SYT1: variants seen among roughly 807,000 people sequenced by gnomAD.
The protein encoded by SYT1 is synaptotagmin-1.
Under a neutral mutation model 44.8 loss-of-function variants are expected in SYT1, and 8 were observed. The observed-to-expected ratio is 0.18, with a 90% CI of 0.10 to 0.32. The LOEUF (loss-of-function observed/expected upper bound fraction) is 0.32, where lower values mean the gene tolerates loss of function less well. Among genes scored for constraint, SYT1 ranks in the 10% least tolerant of loss-of-function variants. The pLI, the probability that SYT1 is intolerant of heterozygous loss-of-function variation, is 1.00. For synonymous variants in SYT1, 154 were observed against 188.8 expected (o/e 0.82, Z 1.51); for missense variants, 286 against 509.3 (o/e 0.56, Z 4.22).
intron 3 of SYT1, among the ~76,000 whole-genome samples, chr12:79,077,867 T>A (rs1323543633): frequency 6.6e-6 from 1 of 152,120 alleles, no homozygotes; most frequent in Non-Finnish European, 1.5e-5. Context: ...TTTTAAAAAA[T>A]TGTATGCTTT....
intron 3 of SYT1, among the ~76,000 whole-genome samples, chr12:79,060,360 T>C (rs1875289197): frequency 6.6e-6 from 1 of 152,064 alleles, no homozygotes; most frequent in Non-Finnish European, 1.5e-5. Context: ...TTTGAAAGTA[T>C]ACAGCTCAGT....
intron 9 of SYT1, among the ~76,000 whole-genome samples, chr12:79,371,013 C>T (rs760478303): frequency 4.6e-5 from 7 of 152,024 alleles, no homozygotes; most frequent in Admixed American, 2.0e-4. Context: ...TAAGATAATA[C>T]GAATGAAAGA....
intron 3 of SYT1, among the ~76,000 whole-genome samples, chr12:79,065,755 A>G (rs563019767): frequency 6.6e-6 from 1 of 152,334 alleles, no homozygotes; most frequent in African/African-American, 2.4e-5. Flanking sequence ...AGTCAAAATG[A>G]TACAATTTCT....
chr12:79,093,010 G>C (rs1295094122), intron 3 of SYT1, among the ~76,000 whole-genome samples: 1 of 151,618 alleles, frequency 6.6e-6, no homozygotes, highest in Non-Finnish European at 1.5e-5. Flanking sequence ...TGGAATACAT[G>C]TGAATAACAT....
chr12:79,239,062 G>C (rs1465053), intron 4 of SYT1, among the ~76,000 whole-genome samples: 1 of 152,044 alleles, frequency 6.6e-6, no homozygotes, highest in African/African-American at 2.4e-5. Flanking sequence ...TTGATATTTT[G>C]TATGTACTGC....
intron 8 of SYT1, among the ~76,000 whole-genome samples, chr12:79,346,423 C>T (rs1350028539): frequency 6.6e-6 from 1 of 152,124 alleles, no homozygotes; most frequent in Non-Finnish European, 1.5e-5. Flanking sequence ...AATCTCACAG[C>T]TGGAACTTTT....
intron 1 of SYT1, among the ~76,000 whole-genome samples, chr12:78,887,137 T>G (rs1206503896): frequency 6.6e-6 from 1 of 151,954 alleles, no homozygotes; most frequent in South Asian, 2.1e-4. Context: ...AATAAACTAT[T>G]TGTATGTTTT....
intron 9 of SYT1, among the ~76,000 whole-genome samples, chr12:79,411,158 A>C (rs1342525768): frequency 6.6e-6 from 1 of 152,250 alleles, no homozygotes; most frequent in Non-Finnish European, 1.5e-5. Context: ...TTCATCTATC[A>C]CAAGGAACCT....
intron 3 of SYT1, among the ~76,000 whole-genome samples, chr12:79,158,169 C>T (rs1870717283): frequency 6.6e-6 from 1 of 152,078 alleles, no homozygotes; most frequent in South Asian, 2.1e-4. Flanking sequence ...GTACAAGTAA[C>T]TACATAACTC....
At chr12:78,875,755 C>T (rs934192439) in intron 1 of SYT1, among the ~76,000 whole-genome samples, 7 of 151,444 alleles carry the variant, frequency 4.6e-5, no homozygotes, top group Non-Finnish European at 1.0e-4. Flanking sequence ...TTTTTTATGG[C>T]GACAATCATA....
chr12:79,258,653 T>C (rs73349479), intron 4 of SYT1, among the ~76,000 whole-genome samples: 1,550 of 152,298 alleles, frequency 0.01, 29 homozygotes, highest in African/African-American at 0.035. Context: ...AAGACACTTA[T>C]GTGTAATAAA....
At chr12:79,030,086 A>G (rs1280690428) in intron 2 of SYT1, among the ~76,000 whole-genome samples, 2 of 151,234 alleles carry the variant, frequency 1.3e-5, no homozygotes, top group African/African-American at 2.4e-5. Context: ...TACATACTTC[A>G]TAATTCACTT....
chr12:79,289,463 C>G (rs1469432109), intron 5 of SYT1, among the ~76,000 whole-genome samples: 1 of 152,148 alleles, frequency 6.6e-6, no homozygotes, highest in Non-Finnish European at 1.5e-5. Flanking sequence ...CAGTGATGAA[C>G]AGTAGCACTG....
chr12:79,012,588 C>A lies in SYT1; in HGVS notation c.-84+34657C>A, dbSNP rs77695786. On this transcript the variant is annotated intron_variant, in intron 2 of 10. Transcript: ENST00000261205. ...AATTCTATTATTTGTTATTGTGGTG[C>A]TTCTGGGATCTATGTGGTCACGTCA... is the stretch of plus-strand genomic sequence containing the variant. Among the ~76,000 whole-genome samples the A allele has an allele frequency of 3.5e-3, 533 of 152,198 alleles. 3 individuals carry two copies. Among genetic ancestry groups the A allele is most frequent in the African/African-American group, 0.012 (518 of 41,526 alleles).
At chr12:79,384,825 GCT>G (rs1884367201) in intron 9 of SYT1, among the ~76,000 whole-genome samples, 2 of 152,054 alleles carry the variant, frequency 1.3e-5, no homozygotes, top group African/African-American at 2.4e-5. Context: ...GGTTTGGTTG[GCT>G]TTCTCCTGAG....
At chr12:78,939,258 G>C (rs1878227155) in intron 1 of SYT1, among the ~76,000 whole-genome samples, 1 of 152,192 alleles carries the variant, frequency 6.6e-6, no homozygotes, top group African/African-American at 2.4e-5. Flanking sequence ...AGAGAATCGA[G>C]TTTTCATATT....
rs530640393 is a variant in SYT1 at position 79,032,592 on chromosome 12, A to G, written c.-83-14705A>G. On this transcript the variant is annotated intron_variant, in intron 2 of 10. Transcript: ENST00000261205. ...CAACCAAGTTTGCTAGTCTTAATAC[A>G]GTTAGCATTTAAACGATTTCATTAT... 3.3e-5 allele frequency among the ~76,000 whole-genome samples: 5 copies of G among 151,444 alleles called. No homozygotes were observed. In the Admixed American group the frequency reaches 3.3e-4, roughly 10 times the overall value.
intron 1 of SYT1, among the ~76,000 whole-genome samples, chr12:78,968,067 T>A (rs1868290174): frequency 6.6e-6 from 1 of 152,070 alleles, no homozygotes; most frequent in African/African-American, 2.4e-5. Flanking sequence ...CATATCTATA[T>A]ATGGAAGTAA....
At chr12:79,117,517 C>T (rs1380524777) in intron 3 of SYT1, among the ~76,000 whole-genome samples, 1 of 150,964 alleles carries the variant, frequency 6.6e-6, no homozygotes, top group Non-Finnish European at 1.5e-5. Flanking sequence ...TGGGTGTGCT[C>T]AATCTCCTGT....
Sources: gnomAD v4.1 joint callset for allele counts (sites outside exome capture counted in the v4.1 genomes callset) on GRCh38, gnomAD v4.1.1 for gene constraint, MANE v1.5 for transcripts, NCBI Gene and HGNC (gene_info 2026-07-23, HGNC 2026-07-21) for gene names.